FAM120A: variants seen among roughly 807,000 people sequenced by gnomAD.
The protein encoded by FAM120A is family with sequence similarity 120 member A.
A neutral mutation model predicts 109.7 loss-of-function variants in FAM120A; 15 were observed. The observed-to-expected ratio is 0.14, with a 90% CI of 0.09 to 0.21. FAM120A has a LOEUF of 0.21. Ranked by LOEUF, FAM120A falls within the 10% of genes least tolerant of loss-of-function variation. The pLI is 1.00. For missense variants in FAM120A, 899 were observed against 1,439.3 expected, an observed-to-expected ratio of 0.62 and a Z score of 6.07; for synonymous variants, 493 against 572.8, an observed-to-expected ratio of 0.86 and a Z score of 1.99.
Position 93,452,631 on chromosome 9 carries a change from T to C in FAM120A, c.474+242T>C, listed in dbSNP as rs1857311327. 2 of 1,599,254 alleles carry C rather than the reference T, an allele frequency of 1.3e-6. No individual in the cohort carries two copies. The highest frequency in any genetic ancestry group is 2.2e-5 in the East Asian group (1 of 44,860). On this transcript the variant is annotated intron_variant, in intron 1 of 17. Transcript: ENST00000277165. The surrounding 1 kb of genome is among the most constrained non-coding windows in gnomAD (Gnocchi z 7.0). ...GGGGTCCGCGGCCGCGTGGGGACAC[T>C]TGAGGGCTGGGAGAGAGCCCCGGAC... is the stretch of plus-strand genomic sequence containing the variant.
chr9:93,452,501 C>A lies in FAM120A; in HGVS notation c.474+112C>A. ...GTGGCGGCGCTGGGGGCAGCGAGTT[C>A]CCCCAGCCCTTGCCCGGGATAGCCT... On this transcript the variant is annotated intron_variant, in intron 1 of 17. Transcript: ENST00000277165. The surrounding 1 kb of genome is among the most constrained non-coding windows in gnomAD (Gnocchi z 7.0). 1 of 1,547,156 alleles carries A rather than the reference C, an allele frequency of 6.5e-7. No homozygotes were observed. Among genetic ancestry groups the A allele is most frequent in the Non-Finnish European group, 8.7e-7 (1 of 1,151,446 alleles).
At chr9:93,457,759 A>G (rs1857614156) in intron 1 of FAM120A, among the ~76,000 whole-genome samples, 7 of 151,824 alleles carry the variant, frequency 4.6e-5, no homozygotes, top group Admixed American at 4.6e-4. Context: ...TTATTTGAGC[A>G]CTGATCTTTA....
Position 93,452,338 on chromosome 9 carries a change from C to G in FAM120A, c.423C>G (p.Pro141=). Residue 141 remains proline, a synonymous_variant, in exon 1 of 18, where the codon CCC becomes CCG. Transcript: ENST00000277165. This position sits in a 1 kb window ranked among gnomAD's most constrained non-coding sequence, Gnocchi z 7.0. ...CGCCAAAGGTCTGGTTCCTGCCGCC[C>G]GTCTGCATGGCCCACTGCATCCGCC... ...TPPPKVWFLP[P]VCMAHCIRLA... The G allele has an allele frequency of 6.2e-7, 1 of 1,612,890 alleles. No individual in the cohort carries two copies. Among genetic ancestry groups the G allele is most frequent in the Non-Finnish European group, 8.5e-7 (1 of 1,179,840 alleles).
chr9:93,498,679 C>T lies in FAM120A; in HGVS notation c.934-111C>T. The T allele has an allele frequency of 1.3e-6, 1 of 742,718 alleles. No individual in the cohort carries two copies. Among genetic ancestry groups the T allele is most frequent in the Non-Finnish European group, 2.4e-6 (1 of 417,474 alleles). 46.0% of individuals were successfully genotyped at this position (742,718 alleles called of 1,614,324 possible). A position where few individuals can be genotyped will look rare whatever the true frequency, so the allele number is the denominator to read the frequency against. On this transcript the variant is annotated intron_variant, in intron 4 of 17. Coordinates refer to ENST00000277165, the MANE Select transcript of FAM120A (RefSeq NM_014612.5). This position sits in a 1 kb window ranked among gnomAD's most constrained non-coding sequence, Gnocchi z 4.4. ...TTTTAATGTCATTCAAAATTCTTCT[C>T]TAACTTGAAAAGCTGTAGAATATTA... is the stretch of plus-strand genomic sequence containing the variant.
chr9:93,462,496 G>C (rs565101858), intron 1 of FAM120A, among the ~76,000 whole-genome samples: 1 of 152,260 alleles, frequency 6.6e-6, no homozygotes, highest in East Asian at 1.9e-4. Context: ...TGGCCAGGCT[G>C]GTCTTGAACT....
chr9:93,518,668 A>C (rs1860713279), intron 7 of FAM120A, among the ~76,000 whole-genome samples: 2 of 152,328 alleles, frequency 1.3e-5, no homozygotes, highest in Admixed American at 1.3e-4. Context: ...TGAAGAAGAC[A>C]TGCCGAGAGT....
intron 1 of FAM120A, among the ~76,000 whole-genome samples, chr9:93,455,105 A>T (rs1363865113): frequency 6.6e-6 from 1 of 152,256 alleles, no homozygotes; most frequent in Non-Finnish European, 1.5e-5. Context: ...TAGCAGCTTA[A>T]TTCATAATAG....
rs767630776 is a variant in FAM120A at position 93,452,704 on chromosome 9, TC to T, written c.474+318del. ...CATCATCCCCAATATCCTTAGTTTT[TC>T]CCATCCTATTTGAGGCGGGCAGGCT... is the stretch of plus-strand genomic sequence containing the variant. On this transcript the variant is annotated intron_variant, in intron 1 of 17. Coordinates refer to ENST00000277165, the MANE Select transcript of FAM120A (RefSeq NM_014612.5). This position sits in a 1 kb window ranked among gnomAD's most constrained non-coding sequence, Gnocchi z 7.0. 5.0e-6 allele frequency: 8 copies of T among 1,598,406 alleles called. No individual in the cohort carries two copies. The highest frequency in any genetic ancestry group is 4.0e-5 in the African/African-American group (3 of 74,920).
At chr9:93,484,107 C>T (rs1297469184) in intron 3 of FAM120A, among the ~76,000 whole-genome samples, 1 of 151,144 alleles carries the variant, frequency 6.6e-6, no homozygotes, top group African/African-American at 2.4e-5. Flanking sequence ...TGGCTGTTCA[C>T]AGGTGTGATC....
Position 93,471,126 on chromosome 9 carries a change from T to C in FAM120A, c.475-15T>C, listed in dbSNP as rs1184948524. On this transcript the variant is annotated splice_polypyrimidine_tract_variant and intron_variant, in intron 1 of 17. Coordinates refer to ENST00000277165, the MANE Select transcript of FAM120A (RefSeq NM_014612.5). ...GTTACCCTACATCTGATGAAGTTTT[T>C]TTCTCGTTTGCCAGGTTGCACAGAG... The C allele has an allele frequency of 6.2e-7, 1 of 1,613,518 alleles. No homozygotes were observed. The highest frequency in any genetic ancestry group is 8.5e-7 in the Non-Finnish European group (1 of 1,179,554).
chr9:93,471,057 G>C, intron 1 of FAM120A, 84 bp from the exon 2 acceptor site: 1 of 1,481,118 alleles, frequency 6.8e-7, no homozygotes, highest in Non-Finnish European at 9.2e-7. Context: ...TGATTTTTCA[G>C]CTTCTGTGCA....
chr9:93,548,003 C>T (rs1861950679), intron 11 of FAM120A, among the ~76,000 whole-genome samples: 1 of 152,124 alleles, frequency 6.6e-6, no homozygotes, highest in Admixed American at 6.5e-5. Flanking sequence ...ACATTGTTTG[C>T]TGTCCTGGCG....
At chr9:93,550,353 T>C (rs540491886) in intron 11 of FAM120A, among the ~76,000 whole-genome samples, 1 of 152,346 alleles carries the variant, frequency 6.6e-6, no homozygotes, top group South Asian at 2.1e-4. Context: ...CACAATTCAG[T>C]GTGCTATTTT....
At chr9:93,562,068 T>C in intron 16 of FAM120A, 140 bp from the exon 17 acceptor site, 1 of 696,280 alleles carries the variant, frequency 1.4e-6, no homozygotes, top group South Asian at 1.9e-5. Context: ...ATTCAACAAA[T>C]TGCAACTTCC....
At chr9:93,476,209 T>C in intron 2 of FAM120A, 47 bp from the exon 3 acceptor site, 4 of 1,325,596 alleles carry the variant, frequency 3.0e-6, no homozygotes, top group Non-Finnish European at 4.3e-6. Context: ...AGTTTCCCTA[T>C]GTTACTTAAG....
At position 93,513,426 on chromosome 9, in the gene FAM120A, C is replaced by T. The variant is rs539948697; in HGVS notation, c.1031-2241C>T. ...CATGCACACACATCCCTTAGAGGCACGGACTTGTGGACTTATCGGTCAGTT... is the reference window on the plus strand; with the variant it reads ...CATGCACACACATCCCTTAGAGGCATGGACTTGTGGACTTATCGGTCAGTT... On this transcript the variant is annotated intron_variant, in intron 5 of 17. Coordinates refer to ENST00000277165, the MANE Select transcript of FAM120A (RefSeq NM_014612.5). 4.6e-5 allele frequency among the ~76,000 whole-genome samples: 7 copies of T among 152,222 alleles called. No individual in the cohort carries two copies. The South Asian group carries it at 1.2e-3, about 27-fold the overall frequency.
At chr9:93,456,390 T>C (rs777935698) in intron 1 of FAM120A, among the ~76,000 whole-genome samples, 5 of 152,260 alleles carry the variant, frequency 3.3e-5, no homozygotes, top group African/African-American at 4.8e-5. Context: ...TGTTAAATAA[T>C]GCTCTTACAT....
chr9:93,491,166 G>A (rs753197233), intron 3 of FAM120A, among the ~76,000 whole-genome samples: 2 of 152,220 alleles, frequency 1.3e-5, no homozygotes, highest in African/African-American at 4.8e-5. Flanking sequence ...TTGGGGAACA[G>A]GCCCAGTAGT....
intron 10 of FAM120A, among the ~76,000 whole-genome samples, chr9:93,537,369 T>C (rs992472497): frequency 2.0e-5 from 3 of 152,218 alleles, no homozygotes; most frequent in East Asian, 1.9e-4. Flanking sequence ...CCAGCTATAA[T>C]TGAAGAGCGC....
Sources: gnomAD v4.1 joint callset for allele counts (sites outside exome capture counted in the v4.1 genomes callset) on GRCh38, gnomAD v4.1.1 for gene constraint, Gnocchi (gnomAD v3.1) non-coding constraint, MANE v1.5 for transcripts, NCBI Gene and HGNC (gene_info 2026-07-23, HGNC 2026-07-21) for gene names.